The following UBE2H variants were observed in gnomAD, a reference collection of about 807,000 sequenced individuals.
The protein encoded by UBE2H is ubiquitin-conjugating enzyme E2 H.
Under a neutral mutation model 29.0 loss-of-function variants are expected in UBE2H, and 3 were observed. The observed-to-expected ratio is 0.10, with a 90% CI of 0.05 to 0.27. The LOEUF (loss-of-function observed/expected upper bound fraction) is 0.27, where lower values mean the gene tolerates loss of function less well. Among genes scored for constraint, UBE2H ranks in the 10% least tolerant of loss-of-function variants. The probability of loss-of-function intolerance (pLI) is 1.00; values close to 1 mark genes in which losing one functional copy is unlikely to be tolerated. For missense variants in UBE2H, 68 were observed against 228.2 expected, an observed-to-expected ratio of 0.30 and a Z score of 4.52; for synonymous variants, 69 against 82.9, an observed-to-expected ratio of 0.83 and a Z score of 0.91.
chr7:129,846,640 G>C (rs1235521629), intron 5 of UBE2H, among the ~76,000 whole-genome samples: 4 of 152,098 alleles, frequency 2.6e-5, no homozygotes, highest in Non-Finnish European at 4.4e-5. Flanking sequence ...ACCTTGACAT[G>C]CTCTGCCTCA....
At chr7:129,886,767 TAAAAAAAA>T (rs79067201) in intron 1 of UBE2H, among the ~76,000 whole-genome samples, 4 of 72,068 alleles carry the variant, frequency 5.6e-5, no homozygotes, top group Admixed American at 1.8e-4. Context: ...TGTTTTTTGG[TAAAAAAAA>T]AAAAAAAAAA....
chr7:129,941,004 T>C (rs1247844178), intron 1 of UBE2H, among the ~76,000 whole-genome samples: 2 of 151,656 alleles, frequency 1.3e-5, no homozygotes, highest in African/African-American at 4.9e-5. Flanking sequence ...GCCCAGGCTG[T>C]AGTACAATGG....
chr7:129,943,745 T>C (rs537374019), intron 1 of UBE2H, among the ~76,000 whole-genome samples: 26 of 151,960 alleles, frequency 1.7e-4, no homozygotes, highest in South Asian at 4.2e-4. Flanking sequence ...TAACTAAAAA[T>C]ACAAAAATTA....
intron 5 of UBE2H, among the ~76,000 whole-genome samples, chr7:129,846,583 T>G (rs1429138641): frequency 6.7e-6 from 1 of 149,114 alleles, no homozygotes; most frequent in Non-Finnish European, 1.5e-5. Flanking sequence ...AAAAAAAAAA[T>G]GTAATATACA....
At chr7:129,910,102 G>A (rs921271304) in intron 1 of UBE2H, among the ~76,000 whole-genome samples, 3 of 152,098 alleles carry the variant, frequency 2.0e-5, no homozygotes, top group Admixed American at 1.3e-4. Flanking sequence ...GCTGAAGCAG[G>A]CATATCACCT....
intron 1 of UBE2H, among the ~76,000 whole-genome samples, chr7:129,905,941 G>GGCCACTGA (rs1403410448): frequency 2.0e-5 from 3 of 151,908 alleles, no homozygotes; most frequent in African/African-American, 7.3e-5. Flanking sequence ...CTCCAGCCTG[G>GGCCACTGA]GCCACTGAGC....
chr7:129,917,355 A>T (rs1257308613), intron 1 of UBE2H, among the ~76,000 whole-genome samples: 2 of 152,224 alleles, frequency 1.3e-5, no homozygotes, highest in African/African-American at 4.8e-5. Flanking sequence ...TGCTGAAGAC[A>T]GAAAGAAAAT....
intron 1 of UBE2H, among the ~76,000 whole-genome samples, chr7:129,935,328 G>T (rs777134202): frequency 4.7e-5 from 7 of 150,228 alleles, no homozygotes; most frequent in East Asian, 3.9e-4. Flanking sequence ...CAGGAGAATC[G>T]CTTGAACCCG....
intron 3 of UBE2H, 137 bp from the exon 4 acceptor site, chr7:129,859,078 T>C (rs1005588000): frequency 1.5e-6 from 1 of 672,316 alleles, no homozygotes; most frequent in African/African-American, 1.8e-5. Flanking sequence ...GATCTTTCAT[T>C]ACTGATAAAC....
At chr7:129,944,050 T>C (rs1209976924) in intron 1 of UBE2H, among the ~76,000 whole-genome samples, 4 of 152,176 alleles carry the variant, frequency 2.6e-5, no homozygotes, top group Admixed American at 6.6e-5. Context: ...TAATTTAACA[T>C]GATTCCTTTA....
At chr7:129,864,537 TTTTC>T (rs1805861401) in intron 3 of UBE2H, among the ~76,000 whole-genome samples, 1 of 139,258 alleles carries the variant, frequency 7.2e-6, no homozygotes, top group African/African-American at 2.6e-5. Context: ...CTACCAGGCA[TTTTC>T]TTTTTCTTTT....
intron 1 of UBE2H, among the ~76,000 whole-genome samples, chr7:129,924,903 A>C (rs1260175831): frequency 6.6e-6 from 1 of 152,050 alleles, no homozygotes; most frequent in Non-Finnish European, 1.5e-5. Context: ...TGAACTCCCA[A>C]ATCAGGTCCT....
chr7:129,864,675 T>C (rs961069848), intron 3 of UBE2H, among the ~76,000 whole-genome samples: 5 of 149,826 alleles, frequency 3.3e-5, no homozygotes, highest in African/African-American at 1.2e-4. Flanking sequence ...CCTCAGCCTC[T>C]CAAGTAGCTG....
At chr7:129,848,536 A>G (rs1805552113) in intron 5 of UBE2H, among the ~76,000 whole-genome samples, 1 of 152,210 alleles carries the variant, frequency 6.6e-6, no homozygotes, top group African/African-American at 2.4e-5. Context: ...AGAACTGATG[A>G]TTCCCTCTGT....
At chr7:129,860,709 G>GT (rs1458016120) in intron 3 of UBE2H, among the ~76,000 whole-genome samples, 1 of 151,144 alleles carries the variant, frequency 6.6e-6, no homozygotes, top group Non-Finnish European at 1.5e-5. Flanking sequence ...CTAAAGCTGA[G>GT]TTTTGTTTTT....
At chr7:129,897,047 T>A (rs1004262078) in intron 1 of UBE2H, among the ~76,000 whole-genome samples, 17 of 152,130 alleles carry the variant, frequency 1.1e-4, no homozygotes, top group African/African-American at 2.4e-4. Context: ...TATGCCATCA[T>A]CCCCTTCCTC....
chr7:129,831,360 A>C lies in UBE2H; in HGVS notation c.*3577T>G, dbSNP rs2116241861. Reference sequence around the variant, plus strand: ...AAGGAAGGGCCACATGCCATTTAAAATCAAACACTAGTTCCCAGAGACTTG... The same window carrying C: ...AAGGAAGGGCCACATGCCATTTAAACTCAAACACTAGTTCCCAGAGACTTG... On this transcript the variant is annotated 3_prime_UTR_variant, in exon 7 of 7. Transcript: ENST00000355621. 6.6e-6 allele frequency: 1 copy of C among 152,366 alleles called. No homozygotes were observed. The highest frequency in any genetic ancestry group is 1.9e-4 in the East Asian group (1 of 5,190). The allele number at this position is 152,366 out of a possible 1,614,324, so 9.4% of individuals were successfully genotyped here. A position where few individuals can be genotyped will look rare whatever the true frequency, so the allele number is the denominator to read the frequency against.
At chr7:129,888,236 A>G (rs190237345) in intron 1 of UBE2H, among the ~76,000 whole-genome samples, 28 of 152,370 alleles carry the variant, frequency 1.8e-4, no homozygotes, top group Admixed American at 1.6e-3. Context: ...TGGCAGAAAT[A>G]AAAGCTATTC....
intron 1 of UBE2H, among the ~76,000 whole-genome samples, chr7:129,885,391 T>C (rs183238259): frequency 6.6e-6 from 1 of 152,342 alleles, no homozygotes; most frequent in African/African-American, 2.4e-5. Context: ...TGCAATTACT[T>C]TTAATCATTT....
Sources: allele counts gnomAD v4.1 joint callset (sites outside exome capture counted in the v4.1 genomes callset), GRCh38; gene constraint gnomAD v4.1.1; transcripts MANE v1.5; gene names NCBI Gene and HGNC (gene_info 2026-07-23, HGNC 2026-07-21).